BMERB1: variants seen among roughly 807,000 people sequenced by gnomAD.
The protein encoded by BMERB1 is bMERB domain-containing protein 1.
Under a neutral mutation model 23.6 loss-of-function variants are expected in BMERB1, and 12 were observed. The observed-to-expected ratio is 0.51, with a 90% confidence interval of 0.33 to 0.82. The LOEUF (loss-of-function observed/expected upper bound fraction) is 0.82, where lower values mean the gene tolerates loss of function less well. Among genes scored for constraint, BMERB1 ranks in the 40% least tolerant of loss-of-function variants. BMERB1 has a pLI of 0.03. For synonymous variants in BMERB1, 122 were observed against 96.6 expected (o/e 1.26, Z -1.54); for missense variants, 247 against 255.4 (o/e 0.97, Z 0.22).
intron 2 of BMERB1, among the ~76,000 whole-genome samples, chr16:15,532,544 C>CTTTTTTTTTTTTTTT (rs58964968): frequency 1.1e-5 from 1 of 91,834 alleles, no homozygotes; most frequent in Non-Finnish European, 1.9e-5. Flanking sequence ...TTTTCTTTTT[C>CTTTTTTTTTTTTTTT]TTTTTTTTTT....
chr16:15,464,436 A>T (rs2051164374), intron 1 of BMERB1, among the ~76,000 whole-genome samples: 1 of 152,162 alleles, frequency 6.6e-6, no homozygotes, highest in Non-Finnish European at 1.5e-5. Context: ...TACACTGGCC[A>T]ACATAGAGAG....
chr16:15,497,570 C>T (rs73505575), intron 1 of BMERB1, among the ~76,000 whole-genome samples: 4,264 of 152,300 alleles, frequency 0.028, 187 homozygotes, highest in South Asian at 0.11. Context: ...TCCGTTGGGC[C>T]TCTGTCCTCC....
At chr16:15,566,023 C>A (rs2030553283) in intron 2 of BMERB1, among the ~76,000 whole-genome samples, 1 of 150,540 alleles carries the variant, frequency 6.6e-6, no homozygotes, top group Non-Finnish European at 1.5e-5. Context: ...GGAGAAGAAG[C>A]CTTAGAGGAA....
chr16:15,532,498 G>A (rs1199480300), intron 2 of BMERB1, among the ~76,000 whole-genome samples: 6 of 150,940 alleles, frequency 4.0e-5, no homozygotes, highest in Non-Finnish European at 7.4e-5. Context: ...AAAGTGCTGG[G>A]ATTACAGGCT....
chr16:15,514,692 C>A (rs1187918335), intron 1 of BMERB1, among the ~76,000 whole-genome samples: 3 of 152,072 alleles, frequency 2.0e-5, no homozygotes, highest in African/African-American at 7.3e-5. Flanking sequence ...GTGGGAGAAT[C>A]GCCTGAACCT....
intron 3 of BMERB1, among the ~76,000 whole-genome samples, chr16:15,569,230 G>A (rs8044221): frequency 0.088 from 13,414 of 151,938 alleles, 1,954 homozygotes; most frequent in African/African-American, 0.3. Context: ...AAAAGAAAGA[G>A]AGAACTGAGT....
intron 1 of BMERB1, among the ~76,000 whole-genome samples, chr16:15,435,163 TGGAGAGGGGGG>T (rs2050877344): frequency 6.6e-6 from 1 of 152,194 alleles, no homozygotes; most frequent in Admixed American, 6.5e-5. Context: ...CCCACGTCCC[TGGAGAGGGGGG>T]AGTGTCTGCT....
intron 1 of BMERB1, among the ~76,000 whole-genome samples, chr16:15,463,220 A>T (rs991653094): frequency 4.0e-5 from 6 of 151,716 alleles, no homozygotes; most frequent in Non-Finnish European, 7.4e-5. Flanking sequence ...CTGGGGCCAC[A>T]GGTGTGCACT....
At chr16:15,556,230 T>C (rs1025515909) in intron 2 of BMERB1, among the ~76,000 whole-genome samples, 1 of 151,348 alleles carries the variant, frequency 6.6e-6, no homozygotes, top group Non-Finnish European at 1.5e-5. Context: ...TGCACAGAAA[T>C]GTTGGCTGAG....
intron 1 of BMERB1, among the ~76,000 whole-genome samples, chr16:15,484,827 A>G (rs1157980923): frequency 1.3e-5 from 2 of 152,210 alleles, no homozygotes; most frequent in African/African-American, 2.4e-5. Flanking sequence ...CTAGATGCCA[A>G]ACATTTTCAT....
At chr16:15,452,591 G>C (rs149194457) in intron 1 of BMERB1, among the ~76,000 whole-genome samples, 6 of 152,220 alleles carry the variant, frequency 3.9e-5, no homozygotes, top group African/African-American at 1.4e-4. Flanking sequence ...CCCATCTCCT[G>C]TGTGTGCAAA....
chr16:15,513,220 C>T (rs1026762926), intron 1 of BMERB1, among the ~76,000 whole-genome samples: 7 of 152,248 alleles, frequency 4.6e-5, no homozygotes, highest in African/African-American at 1.7e-4. Flanking sequence ...ACTTTGAGAA[C>T]GTTCTTCACT....
At chr16:15,554,784 A>G (rs974670339) in intron 2 of BMERB1, among the ~76,000 whole-genome samples, 1 of 151,084 alleles carries the variant, frequency 6.6e-6, no homozygotes, top group Admixed American at 6.6e-5. Flanking sequence ...CTCCTGCCTC[A>G]GCCTCCCAAG....
chr16:15,475,388 C>T (rs1192039345), intron 1 of BMERB1, among the ~76,000 whole-genome samples: 1 of 152,182 alleles, frequency 6.6e-6, no homozygotes, highest in Non-Finnish European at 1.5e-5. Flanking sequence ...CAAAACTGTC[C>T]TCAACTTTCA....
intron 2 of BMERB1, among the ~76,000 whole-genome samples, chr16:15,525,494 A>G (rs2051897087): frequency 6.6e-6 from 1 of 152,100 alleles, no homozygotes; most frequent in Admixed American, 6.5e-5. Flanking sequence ...ATTTGAGGTC[A>G]GGAGTTTTGA....
intron 1 of BMERB1, among the ~76,000 whole-genome samples, chr16:15,472,625 A>G (rs112998135): frequency 0.012 from 1,788 of 152,214 alleles, 18 homozygotes; most frequent in Middle Eastern, 0.045. Context: ...ATCTGCCTAT[A>G]TCATTATATT....
chr16:15,515,445 T>A lies in BMERB1; in HGVS notation c.230+17T>A. ...CAGGTTCATGTGAGTGTTTTGGGGA[T>A]GTGGCCAAGGAAAGAAGTGTGTGGA... is the stretch of plus-strand genomic sequence containing the variant. On this transcript the variant is annotated intron_variant, in intron 2 of 5. Coordinates refer to ENST00000300006, the MANE Select transcript of BMERB1 (RefSeq NM_033201.3). The A allele has an allele frequency of 1.9e-6, 3 of 1,611,488 alleles. No individual in the cohort carries two copies. The highest frequency in any genetic ancestry group is 2.5e-6 in the Non-Finnish European group (3 of 1,178,762).
At chr16:15,525,926 T>C (rs1473445880) in intron 2 of BMERB1, among the ~76,000 whole-genome samples, 1 of 152,144 alleles carries the variant, frequency 6.6e-6, no homozygotes, top group Non-Finnish European at 1.5e-5. Context: ...AAACAGTTCA[T>C]TGTTACCTAG....
At chr16:15,500,180 C>T (rs1308176837) in intron 1 of BMERB1, among the ~76,000 whole-genome samples, 1 of 152,218 alleles carries the variant, frequency 6.6e-6, no homozygotes, top group East Asian at 1.9e-4. Flanking sequence ...CAACAGACTA[C>T]ACTGCCTGAG....
Sources: gnomAD v4.1 joint callset for allele counts (sites outside exome capture counted in the v4.1 genomes callset) on GRCh38, gnomAD v4.1.1 for gene constraint, MANE v1.5 for transcripts, NCBI Gene and HGNC (gene_info 2026-07-23, HGNC 2026-07-21) for gene names.